Variants in NUDCD3 observed in about 807,000 individuals in gnomAD.
NUDCD3 encodes NudC domain containing 3.
In NUDCD3, 13 loss-of-function variants were observed where a neutral mutation model predicts 39.7. That is an observed-to-expected ratio of 0.33 (90% CI 0.21 to 0.52). The LOEUF (loss-of-function observed/expected upper bound fraction) is 0.52, where lower values mean the gene tolerates loss of function less well. Ranked by LOEUF, NUDCD3 falls within the 20% of genes least tolerant of loss-of-function variation. The probability of loss-of-function intolerance (pLI) is 0.96; values close to 1 mark genes in which losing one functional copy is unlikely to be tolerated. For synonymous variants in NUDCD3, 175 were observed against 172.4 expected (o/e 1.02, Z -0.12); for missense variants, 453 against 458.1 (o/e 0.99, Z 0.10).
At chr7:44,458,972 G>GTC (rs1799953858) in intron 2 of NUDCD3, among the ~76,000 whole-genome samples, 1 of 150,432 alleles carries the variant, frequency 6.6e-6, no homozygotes. Flanking sequence ...GTGTGTGTGT[G>GTC]TGTGTGTGGT....
chr7:44,466,964 T>C (rs2116957755), intron 2 of NUDCD3, among the ~76,000 whole-genome samples: 1 of 152,320 alleles, frequency 6.6e-6, no homozygotes, highest in South Asian at 2.1e-4. Context: ...TGGCCCTCCT[T>C]GGGAGAAGAT....
At chr7:44,403,561 G>A (rs1338959655) in intron 4 of NUDCD3, among the ~76,000 whole-genome samples, 1 of 152,182 alleles carries the variant, frequency 6.6e-6, no homozygotes, top group Non-Finnish European at 1.5e-5. Context: ...GTCCCTCCGA[G>A]CATGAGGACA....
At chr7:44,469,166 C>A (rs1800200471) in intron 2 of NUDCD3, among the ~76,000 whole-genome samples, 1 of 141,248 alleles carries the variant, frequency 7.1e-6, no homozygotes, top group Admixed American at 7.2e-5. Flanking sequence ...CAACTTGAGT[C>A]AGCAGGTAAG....
intron 3 of NUDCD3, among the ~76,000 whole-genome samples, chr7:44,415,886 A>C (rs1167060016): frequency 6.6e-6 from 1 of 152,172 alleles, no homozygotes; most frequent in Non-Finnish European, 1.5e-5. Context: ...AAAAATAAAC[A>C]CTGCTGACAG....
intron 1 of NUDCD3, among the ~76,000 whole-genome samples, chr7:44,486,637 C>T (rs1312355961): frequency 6.6e-6 from 1 of 152,208 alleles, no homozygotes; most frequent in Non-Finnish European, 1.5e-5. Flanking sequence ...AGGGTCTCTA[C>T]CGCTTTGAGT....
rs1406592584 is a variant in NUDCD3, at chr7:44,490,470, A to G, written c.131T>C (p.Leu44Pro). Residue 44 changes from leucine (L) to proline (P), a missense_variant, in exon 1 of 6, where the codon CTG (leucine) becomes CCG (proline). By Grantham distance (98) the Leu-to-Pro change is moderately conservative. Transcript: ENST00000355451. ...LYRKTDFYRLLRHPSDRMGFP... is the reference protein window; with the variant it reads ...LYRKTDFYRLPRHPSDRMGFP... ...GCCCATGCGGTCCGATGGGTGGCGCAGCAAGCGATAGAAGTCTGTCTTGCG... is the reference window on the plus strand; with the variant it reads ...GCCCATGCGGTCCGATGGGTGGCGCGGCAAGCGATAGAAGTCTGTCTTGCG... The G allele has an allele frequency of 2.5e-6, 4 of 1,603,618 alleles. No homozygotes were observed. Among genetic ancestry groups the G allele is most frequent in the Non-Finnish European group, 3.4e-6 (4 of 1,175,910 alleles).
chr7:44,444,535 A>T (rs1179615729), intron 2 of NUDCD3, among the ~76,000 whole-genome samples: 1 of 152,204 alleles, frequency 6.6e-6, no homozygotes, highest in Non-Finnish European at 1.5e-5. Flanking sequence ...ATTTAATAGA[A>T]TCTTACACTA....
chr7:44,394,995 G>C (rs889910791), intron 4 of NUDCD3, among the ~76,000 whole-genome samples: 2 of 152,182 alleles, frequency 1.3e-5, no homozygotes, highest in Non-Finnish European at 2.9e-5. Flanking sequence ...GTCCACAAGT[G>C]TACTTTGGAC....
intron 2 of NUDCD3, among the ~76,000 whole-genome samples, chr7:44,435,065 T>A (rs1799439765): frequency 6.6e-6 from 1 of 152,016 alleles, no homozygotes; most frequent in Non-Finnish European, 1.5e-5. Context: ...AGAGAAGTTA[T>A]GTCTTTTGCC....
chr7:44,484,771 G>A (rs1414852922), intron 2 of NUDCD3, 197 bp downstream of exon 2: 5 of 564,162 alleles, frequency 8.9e-6, no homozygotes, highest in Non-Finnish European at 1.6e-5. Flanking sequence ...TACCAAATGA[G>A]GGAACTGACC....
chr7:44,468,354 A>G, intron 2 of NUDCD3: 1 of 1,244,314 alleles, frequency 8.0e-7, no homozygotes, highest in Non-Finnish European at 1.1e-6. Flanking sequence ...AACTGCAAAA[A>G]AAAAAAAAAA....
chr7:44,426,519 G>A (rs1488985517), intron 3 of NUDCD3, among the ~76,000 whole-genome samples: 14 of 152,294 alleles, frequency 9.2e-5, no homozygotes, highest in African/African-American at 2.9e-4. Context: ...AAGGGAGGCC[G>A]GGCGCGGTGG....
intron 3 of NUDCD3, among the ~76,000 whole-genome samples, chr7:44,408,587 C>T (rs747274639): frequency 3.3e-5 from 5 of 152,182 alleles, no homozygotes; most frequent in Non-Finnish European, 5.9e-5. Flanking sequence ...GTGGTTACTA[C>T]AGGCCTCCAA....
At chr7:44,485,993 C>T (rs890507094) in intron 1 of NUDCD3, among the ~76,000 whole-genome samples, 3 of 152,218 alleles carry the variant, frequency 2.0e-5, no homozygotes, top group Admixed American at 6.5e-5. Flanking sequence ...ACAAGGCCCT[C>T]AATTCCCTGT....
At chr7:44,424,320 G>A (rs1799194659) in intron 3 of NUDCD3, among the ~76,000 whole-genome samples, 1 of 152,172 alleles carries the variant, frequency 6.6e-6, no homozygotes. Context: ...AAGAGCTTCT[G>A]CTCAGCAAAA....
chr7:44,386,749 T>A (rs1798409616), intron 5 of NUDCD3, among the ~76,000 whole-genome samples: 1 of 152,194 alleles, frequency 6.6e-6, no homozygotes, highest in Non-Finnish European at 1.5e-5. Flanking sequence ...GCTGGTTGAC[T>A]AAGCCCTCGC....
chr7:44,411,406 G>A (rs558813575), intron 3 of NUDCD3, among the ~76,000 whole-genome samples: 14 of 152,148 alleles, frequency 9.2e-5, no homozygotes, highest in Non-Finnish European at 1.3e-4. Context: ...TCCAGAATAC[G>A]TAAAGAAGTC....
rs1486889017 is a variant in NUDCD3 at position 44,382,184 on chromosome 7, C to T, written c.*3827G>A. ...AGACCAATCTGTTAAACTTTCAGTA[C>T]TAAAAAATAAAACCGAGTGGGAGGA... On this transcript the variant is annotated 3_prime_UTR_variant, in exon 6 of 6. Coordinates refer to ENST00000355451, the MANE Select transcript of NUDCD3 (RefSeq NM_015332.4). The T allele has an allele frequency of 3.3e-5, 5 of 152,068 alleles. No homozygotes were observed. Among genetic ancestry groups the T allele is most frequent in the Non-Finnish European group, 4.4e-5 (3 of 68,022 alleles). 9.4% of individuals were successfully genotyped at this position (152,068 alleles called of 1,614,324 possible). A position where few individuals can be genotyped will look rare whatever the true frequency, so the allele number is the denominator to read the frequency against.
At chr7:44,447,857 G>T (rs1799715772) in intron 2 of NUDCD3, among the ~76,000 whole-genome samples, 1 of 152,126 alleles carries the variant, frequency 6.6e-6, no homozygotes, top group African/African-American at 2.4e-5. Flanking sequence ...CATCAGCAAG[G>T]GGCACCTCTG....
Sources: gnomAD v4.1 joint callset for allele counts (sites outside exome capture counted in the v4.1 genomes callset) on GRCh38, gnomAD v4.1.1 for gene constraint, MANE v1.5 for transcripts, NCBI Gene and HGNC (gene_info 2026-07-23, HGNC 2026-07-21) for gene names.